MDN1: variants seen among roughly 807,000 people sequenced by gnomAD.
MDN1 encodes midasin AAA ATPase 1.
In MDN1, 266 loss-of-function variants were observed where a neutral mutation model predicts 669.2. That is an observed-to-expected ratio of 0.40 (90% confidence interval 0.36 to 0.44). The LOEUF is 0.44. Among genes scored for constraint, MDN1 ranks in the 20% least tolerant of loss-of-function variants. MDN1 has a pLI of 1.00. For missense variants in MDN1, 5,940 were observed against 6,754.0 expected, an observed-to-expected ratio of 0.88 and a Z score of 4.22; for synonymous variants, 2,385 against 2,457.1, an observed-to-expected ratio of 0.97 and a Z score of 0.87.
chr6:89,698,723 A>G (rs1307221515), intron 59 of MDN1, 142 bp downstream of exon 59: 8 of 777,438 alleles, frequency 1.0e-5, no homozygotes, highest in Non-Finnish European at 1.7e-5. Flanking sequence ...CAGTACACTT[A>G]TTTAACATTC....
At chr6:89,802,456 G>A (rs541891061) in intron 2 of MDN1, among the ~76,000 whole-genome samples, 14 of 152,302 alleles carry the variant, frequency 9.2e-5, no homozygotes, top group African/African-American at 1.7e-4. Flanking sequence ...AGGTCGAGGC[G>A]GGCAGATCAC....
intron 13 of MDN1, 141 bp downstream of exon 13, chr6:89,774,480 A>G (rs990369827): frequency 1.7e-6 from 1 of 572,820 alleles, no homozygotes; most frequent in Non-Finnish European, 3.1e-6. Flanking sequence ...CTTTGGGAAA[A>G]CACTGCTCCT....
At chr6:89,816,671 ATC>A (rs1768858961) in intron 1 of MDN1, among the ~76,000 whole-genome samples, 1 of 146,896 alleles carries the variant, frequency 6.8e-6, no homozygotes, top group African/African-American at 2.5e-5. Context: ...CCACACCCCT[ATC>A]TTTTTTTTTT....
rs762739306 is a variant in MDN1, at chr6:89,674,542, G to A, written c.12809C>T (p.Pro4270Leu). ...GGGGAAGGCCACGGGGTAGGCCTGGGGCCCCATCAGCCTGCTGTGAATCTC... is the reference window on the plus strand; with the variant it reads ...GGGGAAGGCCACGGGGTAGGCCTGGAGCCCCATCAGCCTGCTGTGAATCTC... ...VQEIHSRLMG[P>L]QAYPVAFPPQ... is the part of the protein sequence containing the mutation. The change falls in exon 79 of 102, where the codon CCC (proline) becomes CTC (leucine). Residue 4270 changes from proline (P) to leucine (L), a missense_variant. Pro to Leu is a moderately conservative substitution (Grantham distance 98). Coordinates refer to ENST00000369393, the MANE Select transcript of MDN1 (RefSeq NM_014611.3). The A allele has an allele frequency of 6.9e-6, 11 of 1,598,070 alleles. No individual in the cohort carries two copies. The highest frequency in any genetic ancestry group is 9.3e-6 in the Non-Finnish European group (11 of 1,176,528).
chr6:89,752,909 G>A (rs1584318733), intron 22 of MDN1, among the ~76,000 whole-genome samples: 2 of 152,126 alleles, frequency 1.3e-5, no homozygotes, highest in African/African-American at 4.8e-5. Context: ...CGGATCATGA[G>A]GTCAGGAGTT....
intron 1 of MDN1, among the ~76,000 whole-genome samples, chr6:89,814,409 C>CA (rs1373350883): frequency 3.6e-5 from 5 of 137,746 alleles, no homozygotes; most frequent in Middle Eastern, 4.1e-3. Context: ...TTGGTAGAGA[C>CA]AGAGTCTCTC....
chr6:89,816,103 T>C (rs373584570), intron 1 of MDN1, among the ~76,000 whole-genome samples: 28 of 152,166 alleles, frequency 1.8e-4, no homozygotes, highest in Non-Finnish European at 2.1e-4. Flanking sequence ...TTTCTCATAA[T>C]AAAGACTGTT....
intron 75 of MDN1, 114 bp from the exon 76 acceptor site, chr6:89,677,810 G>C: frequency 7.2e-7 from 1 of 1,389,722 alleles, no homozygotes; most frequent in Non-Finnish European, 9.9e-7. Context: ...CTGAGAGCTT[G>C]TTAGAAATGC....
intron 88 of MDN1, 94 bp from the exon 89 acceptor site, chr6:89,659,011 A>G (rs545852501): frequency 7.9e-7 from 1 of 1,262,724 alleles, no homozygotes; most frequent in Admixed American, 2.5e-5. Flanking sequence ...TTGTCTTATT[A>G]CAATTCTCTA....
chr6:89,644,687 A>G (rs1808369035), intron 101 of MDN1, among the ~76,000 whole-genome samples: 1 of 152,218 alleles, frequency 6.6e-6, no homozygotes, highest in African/African-American at 2.4e-5. Flanking sequence ...TCAAGGCTGC[A>G]ATACCTGCAC....
rs958150008 is a variant in MDN1 at position 89,717,401 on chromosome 6, C to T, written c.6584-592G>A. 5.3e-5 allele frequency among the ~76,000 whole-genome samples: 8 copies of T among 152,332 alleles called. 1 individual carries two copies. The highest frequency in any genetic ancestry group is 4.1e-4 in the South Asian group (2 of 4,824). ...GACTTAACATACCATAGTCCAACCA[C>T]TTGCTAACTGTAAAACTGTAGGCAA... On this transcript the variant is annotated intron_variant, in intron 43 of 101. Coordinates refer to ENST00000369393, the MANE Select transcript of MDN1 (RefSeq NM_014611.3).
chr6:89,801,520 A>G (rs553911317), intron 2 of MDN1, among the ~76,000 whole-genome samples: 37 of 152,206 alleles, frequency 2.4e-4, no homozygotes, highest in East Asian at 7.7e-4. Context: ...GTGTGGTGGC[A>G]CGCACCTGTA....
intron 82 of MDN1, among the ~76,000 whole-genome samples, chr6:89,671,791 T>G (rs1318193233): frequency 6.6e-6 from 1 of 152,262 alleles, no homozygotes; most frequent in Non-Finnish European, 1.5e-5. Context: ...GCAAAGTAAG[T>G]TGCTTCTCTG....
intron 14 of MDN1, among the ~76,000 whole-genome samples, chr6:89,772,081 T>C (rs1818110688): frequency 6.6e-6 from 1 of 152,082 alleles, no homozygotes; most frequent in Admixed American, 6.6e-5. Flanking sequence ...CTAGGCAACA[T>C]AGCTAGACCT....
intron 80 of MDN1, 41 bp from the exon 81 acceptor site, chr6:89,672,743 G>GAC: frequency 6.3e-7 from 1 of 1,596,166 alleles, no homozygotes; most frequent in South Asian, 1.1e-5. Context: ...ACAAACAAAA[G>GAC]ACACCAATCA....
At position 89,816,896 on chromosome 6, in the gene MDN1, G is replaced by C. The variant is rs567355056; in HGVS notation, c.102+2610C>G. ...TCACCATGTTAGCCAGAATGATGTC[G>C]ATCTCCTGAGCTTGTGATCCACCCG... is the stretch of plus-strand genomic sequence containing the variant. On this transcript the variant is annotated intron_variant, in intron 1 of 101. Coordinates refer to ENST00000369393, the MANE Select transcript of MDN1 (RefSeq NM_014611.3). 1.9e-4 allele frequency among the ~76,000 whole-genome samples: 29 copies of C among 151,580 alleles called. No individual in the cohort carries two copies. In the South Asian group the frequency reaches 4.2e-3, roughly 22 times the overall value.
chr6:89,657,576 A>G (rs1449566774), intron 90 of MDN1, among the ~76,000 whole-genome samples: 1 of 152,252 alleles, frequency 6.6e-6, no homozygotes, highest in African/African-American at 2.4e-5. Flanking sequence ...CCTGAAGTCT[A>G]AATTCCATGT....
intron 2 of MDN1, among the ~76,000 whole-genome samples, chr6:89,796,154 G>A (rs374439041): frequency 3.3e-5 from 5 of 150,610 alleles, no homozygotes; most frequent in East Asian, 2.0e-4. Context: ...GTGAAACTCC[G>A]TCTCTACTAA....
rs916623072 is a variant in MDN1, at chr6:89,645,217, C to A, written c.16460-60G>T. The A allele has an allele frequency of 2.7e-5, 42 of 1,534,938 alleles. No homozygotes were observed. In the African/African-American group the frequency reaches 5.3e-4, roughly 20 times the overall value. On this transcript the variant is annotated intron_variant, in intron 100 of 101. Coordinates refer to ENST00000369393, the MANE Select transcript of MDN1 (RefSeq NM_014611.3). ...ATGAACAGCCATTTTTAATAACTCACAACTACCCAAAGTAGGACAAATTAG... is the reference window on the plus strand; with the variant it reads ...ATGAACAGCCATTTTTAATAACTCAAAACTACCCAAAGTAGGACAAATTAG...
Sources: allele counts gnomAD v4.1 joint callset (sites outside exome capture counted in the v4.1 genomes callset), GRCh38; gene constraint gnomAD v4.1.1; transcripts MANE v1.5; gene names NCBI Gene and HGNC (gene_info 2026-07-23, HGNC 2026-07-21).